Variants in HS6ST3 observed in about 807,000 individuals in gnomAD.
HS6ST3 encodes the protein heparan sulfate 6-O-sulfotransferase 3.
A neutral mutation model predicts 36.7 loss-of-function variants in HS6ST3; 12 were observed. The observed-to-expected ratio is 0.33, with a 90% CI of 0.21 to 0.53. The LOEUF is 0.53. HS6ST3 is among the 20% of genes least tolerant of loss of function. HS6ST3 has a pLI of 0.95. For missense variants in HS6ST3, 584 were observed against 640.9 expected, an observed-to-expected ratio of 0.91 and a Z score of 0.96; for synonymous variants, 240 against 257.5, an observed-to-expected ratio of 0.93 and a Z score of 0.65.
chr13:96,368,780 T>C (rs2055275680), intron 1 of HS6ST3, among the ~76,000 whole-genome samples: 1 of 152,158 alleles, frequency 6.6e-6, no homozygotes. Context: ...GAGATTCAAC[T>C]GGAGTAAGTT....
chr13:96,195,439 C>T (rs759842656), intron 1 of HS6ST3, among the ~76,000 whole-genome samples: 4 of 152,164 alleles, frequency 2.6e-5, no homozygotes, highest in African/African-American at 7.2e-5. Context: ...TGCATAAGTG[C>T]GGTCCCAGTG....
intron 1 of HS6ST3, among the ~76,000 whole-genome samples, chr13:96,478,114 G>A (rs1237283790): frequency 6.6e-6 from 1 of 152,102 alleles, no homozygotes; most frequent in Non-Finnish European, 1.5e-5. Flanking sequence ...AGAAAAAATA[G>A]GACCTAGCTC....
intron 1 of HS6ST3, among the ~76,000 whole-genome samples, chr13:96,790,272 C>T (rs1365435588): frequency 1.0e-5 from 1 of 97,104 alleles, no homozygotes; most frequent in Non-Finnish European, 2.2e-5. Flanking sequence ...CACACATGTA[C>T]ACACACACAC....
At chr13:96,635,996 AC>A (rs1286229967) in intron 1 of HS6ST3, among the ~76,000 whole-genome samples, 1 of 152,130 alleles carries the variant, frequency 6.6e-6, no homozygotes, top group African/African-American at 2.4e-5. Context: ...TTCTTCACTT[AC>A]CCTCTTCTGT....
chr13:96,508,348 C>T (rs1294188044), intron 1 of HS6ST3, among the ~76,000 whole-genome samples: 2 of 151,958 alleles, frequency 1.3e-5, no homozygotes, highest in East Asian at 1.9e-4. Context: ...CCCCTACACC[C>T]CCGATCCTCC....
chr13:96,289,655 G>A (rs117236115), intron 1 of HS6ST3, among the ~76,000 whole-genome samples: 6,774 of 152,246 alleles, frequency 0.044, 211 homozygotes, highest in Middle Eastern at 0.099. Context: ...GTTGTGGAGA[G>A]CTTTCTAACC....
At chr13:96,292,181 A>T (rs1423383482) in intron 1 of HS6ST3, among the ~76,000 whole-genome samples, 5 of 151,290 alleles carry the variant, frequency 3.3e-5, no homozygotes, top group Non-Finnish European at 7.4e-5. Context: ...ATAAAATGTT[A>T]ATATGAAGTT....
intron 1 of HS6ST3, among the ~76,000 whole-genome samples, chr13:96,409,405 C>A (rs915938076): frequency 6.6e-6 from 1 of 152,150 alleles, no homozygotes; most frequent in Non-Finnish European, 1.5e-5. Context: ...TGCTATTTTT[C>A]ATTTATCTTC....
At chr13:96,561,807 C>A (rs2056263316) in intron 1 of HS6ST3, among the ~76,000 whole-genome samples, 1 of 152,082 alleles carries the variant, frequency 6.6e-6, no homozygotes. Context: ...CAGATAAATG[C>A]AAATCAAAAC....
intron 1 of HS6ST3, among the ~76,000 whole-genome samples, chr13:96,333,153 A>G (rs1487147968): frequency 2.0e-5 from 3 of 152,214 alleles, no homozygotes; most frequent in Admixed American, 2.0e-4. Context: ...TAAAACATTT[A>G]TTTGACCACA....
chr13:96,690,191 C>T (rs906041027), intron 1 of HS6ST3, among the ~76,000 whole-genome samples: 1 of 151,844 alleles, frequency 6.6e-6, no homozygotes, highest in Admixed American at 6.6e-5. Flanking sequence ...GAAATAGAAA[C>T]TTAAAGGAAA....
At chr13:96,310,242 C>A (rs1172336458) in intron 1 of HS6ST3, among the ~76,000 whole-genome samples, 1 of 152,108 alleles carries the variant, frequency 6.6e-6, no homozygotes, top group African/African-American at 2.4e-5. Context: ...CATATGCATA[C>A]ACAGATATAT....
intron 1 of HS6ST3, among the ~76,000 whole-genome samples, chr13:96,096,735 C>T (rs1413731236): frequency 6.6e-6 from 1 of 152,092 alleles, no homozygotes; most frequent in Non-Finnish European, 1.5e-5. Context: ...AAAACCAGAA[C>T]CACTTTGAAA....
chr13:96,468,223 G>C (rs1328052), intron 1 of HS6ST3, among the ~76,000 whole-genome samples: 125,499 of 152,090 alleles, frequency 0.83, 53,536 homozygotes, highest in Non-Finnish European at 0.95. Flanking sequence ...AAGAAAATGA[G>C]AAATCAGCCT....
At chr13:96,641,468 C>T (rs1017732642) in intron 1 of HS6ST3, among the ~76,000 whole-genome samples, 2 of 151,842 alleles carry the variant, frequency 1.3e-5, no homozygotes, top group Non-Finnish European at 2.9e-5. Context: ...GAAGAAATCT[C>T]TGCCTCTTAA....
At chr13:96,331,586 C>T (rs1428271186) in intron 1 of HS6ST3, among the ~76,000 whole-genome samples, 1 of 151,932 alleles carries the variant, frequency 6.6e-6, no homozygotes, top group Non-Finnish European at 1.5e-5. Context: ...CTCTTCAAAG[C>T]TGTCAGACAG....
intron 1 of HS6ST3, among the ~76,000 whole-genome samples, chr13:96,744,592 T>C (rs923799877): frequency 3.9e-5 from 6 of 152,062 alleles, no homozygotes; most frequent in Admixed American, 6.6e-5. Context: ...ACATTTTCAG[T>C]TGGAAAGGAG....
At chr13:96,724,743 G>C (rs796234167) in intron 1 of HS6ST3, among the ~76,000 whole-genome samples, 5 of 152,078 alleles carry the variant, frequency 3.3e-5, no homozygotes, top group Non-Finnish European at 7.4e-5. Flanking sequence ...TCATTGTATA[G>C]AGATGCCATT....
At chr13:96,482,456 C>CTTT (rs778614894) in intron 1 of HS6ST3, among the ~76,000 whole-genome samples, 3 of 140,564 alleles carry the variant, frequency 2.1e-5, no homozygotes, top group Non-Finnish European at 4.7e-5. Context: ...TTTTATTTTT[C>CTTT]TTTTTTTTTT....
Sources: gnomAD v4.1 joint callset for allele counts (sites outside exome capture counted in the v4.1 genomes callset) on GRCh38, gnomAD v4.1.1 for gene constraint, MANE v1.5 for transcripts, NCBI Gene and HGNC (gene_info 2026-07-23, HGNC 2026-07-21) for gene names.